TNS3: variants seen among roughly 807,000 people sequenced by gnomAD.
TNS3 encodes the protein tensin 3.
A neutral mutation model predicts 140.9 loss-of-function variants in TNS3; 45 were observed. The observed-to-expected ratio is 0.32, with a 90% CI of 0.25 to 0.41. The LOEUF (loss-of-function observed/expected upper bound fraction) is 0.41. Among genes scored for constraint, TNS3 ranks in the 10% least tolerant of loss-of-function variants. The pLI is 1.00. For synonymous variants in TNS3, 815 were observed against 788.4 expected, an observed-to-expected ratio of 1.03 and a Z score of -0.56; for missense variants, 1,716 against 1,906.7, an observed-to-expected ratio of 0.90 and a Z score of 1.86.
chr7:47,370,255 G>A (rs181093265), intron 16 of TNS3, among the ~76,000 whole-genome samples: 340 of 152,168 alleles, frequency 2.2e-3, no homozygotes, highest in Admixed American at 4.3e-3. Context: ...ACTCCAGCCT[G>A]GGCAAGAGAG....
intron 16 of TNS3, among the ~76,000 whole-genome samples, chr7:47,389,075 GA>G (rs1562675180): frequency 9.8e-4 from 68 of 69,232 alleles, no homozygotes; most frequent in African/African-American, 3.9e-3. Flanking sequence ...AGAAGAAGAA[GA>G]AGAAGAAGAG....
At chr7:47,343,313 A>C (rs137916858) in intron 20 of TNS3, among the ~76,000 whole-genome samples, 1 of 152,346 alleles carries the variant, frequency 6.6e-6, no homozygotes, top group East Asian at 1.9e-4. Flanking sequence ...TCTGGAGTTT[A>C]GACGGGGCTC....
At chr7:47,378,371 T>C (rs1374779338) in intron 16 of TNS3, among the ~76,000 whole-genome samples, 2 of 152,142 alleles carry the variant, frequency 1.3e-5, no homozygotes, top group South Asian at 2.1e-4. Flanking sequence ...TATAAAGCTA[T>C]GGTGAAAGAT....
chr7:47,373,109 C>T lies in TNS3; in HGVS notation c.1025-3488G>A, dbSNP rs575228054. 9.9e-5 allele frequency among the ~76,000 whole-genome samples: 15 copies of T among 152,228 alleles called. No individual in the cohort carries two copies. The East Asian group carries it at 2.5e-3, about 26-fold the overall frequency. On this transcript the variant is annotated intron_variant, in intron 16 of 30. Transcript: ENST00000311160. ...AGGAGAAGGGGCCTCTGGAACACAC[C>T]GTTCCTATCCTGTTTTCTCATAAAG...
intron 1 of TNS3, among the ~76,000 whole-genome samples, chr7:47,564,651 AAAAAAAAAC>A (rs1562859366): frequency 4.8e-4 from 5 of 10,432 alleles, no homozygotes; most frequent in Non-Finnish European, 1.2e-3. Flanking sequence ...AAAAAAAAAC[AAAAAAAAAC>A]AAAAAAAGAC....
Position 47,275,317 on chromosome 7 carries a change from A to T in TNS3, c.*2759T>A, listed in dbSNP as rs1784827713. 1 of 152,784 alleles carries T rather than the reference A, an allele frequency of 6.5e-6. No homozygotes were observed. The highest frequency in any genetic ancestry group is 6.5e-5 in the Admixed American group (1 of 15,302). The allele number at this position is 152,784 out of a possible 1,614,324, so 9.5% of individuals were successfully genotyped here. A position where few individuals can be genotyped will look rare whatever the true frequency, so the allele number is the denominator to read the frequency against. ...GCACTAACAAGGCAGAGAAGACGTT[A>T]CAAGGTATTTGATGCTGAGAATAAA... is the stretch of plus-strand genomic sequence containing the variant. On this transcript the variant is annotated 3_prime_UTR_variant, in exon 31 of 31. Coordinates refer to ENST00000311160, the MANE Select transcript of TNS3 (RefSeq NM_022748.12).
intron 24 of TNS3, among the ~76,000 whole-genome samples, chr7:47,294,283 T>C (rs573145612): frequency 3.7e-4 from 57 of 152,168 alleles, no homozygotes; most frequent in Non-Finnish European, 5.7e-4. Flanking sequence ...TGGGTGGGAT[T>C]TAACCAGGAG....
chr7:47,557,237 AC>A (rs1396690777), intron 1 of TNS3: 1 of 423,142 alleles, frequency 2.4e-6, no homozygotes, highest in Non-Finnish European at 4.8e-6. Flanking sequence ...GGAGAGGCTG[AC>A]TTTTCGTCTT....
At chr7:47,313,354 G>C (rs979555056) in intron 20 of TNS3, among the ~76,000 whole-genome samples, 2 of 152,244 alleles carry the variant, frequency 1.3e-5, no homozygotes, top group Admixed American at 1.3e-4. Context: ...TTAGAGGTTA[G>C]AGGGAGAGGT....
intron 4 of TNS3, among the ~76,000 whole-genome samples, chr7:47,444,882 A>C (rs113946984): frequency 0.014 from 2,100 of 152,360 alleles, 46 homozygotes; most frequent in African/African-American, 0.048. Context: ...CTATCACCAC[A>C]GGGAGGCCCC....
intron 1 of TNS3, among the ~76,000 whole-genome samples, chr7:47,576,442 C>T (rs1056762324): frequency 1.3e-5 from 2 of 152,198 alleles, no homozygotes; most frequent in Admixed American, 6.5e-5. Context: ...CAGTTCTGCC[C>T]CAGGTTTGTG....
chr7:47,456,880 T>G (rs561457681), intron 4 of TNS3, among the ~76,000 whole-genome samples: 6 of 151,820 alleles, frequency 4.0e-5, no homozygotes, highest in Admixed American at 3.3e-4. Context: ...TCTTCCTCCT[T>G]GAGTGTTTCT....
intron 1 of TNS3, among the ~76,000 whole-genome samples, chr7:47,531,509 A>C (rs954611637): frequency 6.6e-6 from 1 of 152,252 alleles, no homozygotes; most frequent in Admixed American, 6.5e-5. Flanking sequence ...ACAGATGAAG[A>C]GCACCAGAAA....
intron 3 of TNS3, among the ~76,000 whole-genome samples, chr7:47,504,359 A>T (rs1447350805): frequency 6.6e-6 from 1 of 152,172 alleles, no homozygotes; most frequent in Non-Finnish European, 1.5e-5. Context: ...GGAGCCTGTG[A>T]CAATGTCACT....
chr7:47,283,581 T>A, intron 28 of TNS3, 116 bp downstream of exon 28: 1 of 1,012,578 alleles, frequency 9.9e-7, no homozygotes, highest in Non-Finnish European at 1.3e-6. Context: ...GGGTGACTCA[T>A]GACCTCAAAG....
At chr7:47,467,062 A>G (rs1796749404) in intron 4 of TNS3, among the ~76,000 whole-genome samples, 1 of 152,210 alleles carries the variant, frequency 6.6e-6, no homozygotes, top group Non-Finnish European at 1.5e-5. Flanking sequence ...TCTGTTGCAT[A>G]TGTTAGATAA....
chr7:47,399,083 A>G (rs1306618534), intron 15 of TNS3, among the ~76,000 whole-genome samples: 47 of 65,858 alleles, frequency 7.1e-4, no homozygotes, highest in Admixed American at 2.1e-3. Context: ...GACAGCTGAA[A>G]AAAAAAAAAA....
At chr7:47,567,801 A>G (rs1302164961) in intron 1 of TNS3, among the ~76,000 whole-genome samples, 1 of 152,204 alleles carries the variant, frequency 6.6e-6, no homozygotes, top group African/African-American at 2.4e-5. Context: ...TAATCTAAAT[A>G]ACTGAAAAGA....
chr7:47,488,295 A>T (rs1797684950), intron 3 of TNS3, among the ~76,000 whole-genome samples: 1 of 152,232 alleles, frequency 6.6e-6, no homozygotes, highest in Non-Finnish European at 1.5e-5. Flanking sequence ...ACACTGACCC[A>T]AGTGTTTATC....
Sources: gnomAD v4.1 joint callset for allele counts (sites outside exome capture counted in the v4.1 genomes callset) on GRCh38, gnomAD v4.1.1 for gene constraint, MANE v1.5 for transcripts, NCBI Gene and HGNC (gene_info 2026-07-23, HGNC 2026-07-21) for gene names.